The following DYNC2H1 variants were observed in gnomAD, a reference collection of about 807,000 sequenced individuals.
The protein encoded by DYNC2H1 is dynein cytoplasmic 2 heavy chain 1.
A neutral mutation model predicts 570.0 loss-of-function variants in DYNC2H1; 410 were observed. That is an observed-to-expected ratio of 0.72 (90% CI 0.66 to 0.78). The LOEUF (loss-of-function observed/expected upper bound fraction) is 0.78, where lower values mean the gene tolerates loss of function less well. Ranked by LOEUF, DYNC2H1 falls within the 30% of genes least tolerant of loss-of-function variation. DYNC2H1 has a pLI of 0.00. For missense variants in DYNC2H1, 4,865 were observed against 5,046.4 expected, an observed-to-expected ratio of 0.96 and a Z score of 1.09; for synonymous variants, 1,688 against 1,677.6, an observed-to-expected ratio of 1.01 and a Z score of -0.15.
In DYNC2H1 at chr11:103,253,341, C is replaced by T. The variant is rs200710887; in HGVS notation, c.10099C>T (p.Arg3367Cys). 1.7e-5 allele frequency: 28 copies of T among 1,612,910 alleles called. No homozygotes were observed. Among genetic ancestry groups the T allele is most frequent in the Admixed American group, 1.0e-4 (6 of 59,934 alleles). ...AATTATTGACTACAATGAAGAATTC[C>T]GCCTCTTTTTGTCAACAAGAAACCC... Reference protein sequence around the residue: ...DKIIDYNEEFRLFLSTRNPNP... With the variant: ...DKIIDYNEEFCLFLSTRNPNP... Residue 3367 changes from arginine to cysteine, a missense_variant, in exon 66 of 89, where the codon CGC becomes TGC. Physicochemically the swap from Arg to Cys is radical, Grantham distance 180. Coordinates refer to ENST00000375735, the MANE Select transcript of DYNC2H1 (RefSeq NM_001377.3).
At chr11:103,384,685 G>C (rs1019506598) in intron 83 of DYNC2H1, among the ~76,000 whole-genome samples, 1 of 152,034 alleles carries the variant, frequency 6.6e-6, no homozygotes, top group African/African-American at 2.4e-5. Context: ...AAGAAGCTTA[G>C]TATATTGTAC....
chr11:103,286,169 G>C (rs972801836), intron 73 of DYNC2H1, 86 bp from the exon 74 acceptor site: 11 of 1,508,474 alleles, frequency 7.3e-6, no homozygotes, highest in Non-Finnish European at 9.9e-6. Flanking sequence ...CCAATAATTG[G>C]TTCTCACTTT....
At chr11:103,265,112 C>T (rs1287295100) in intron 70 of DYNC2H1, among the ~76,000 whole-genome samples, 4 of 152,116 alleles carry the variant, frequency 2.6e-5, no homozygotes, top group Non-Finnish European at 5.9e-5. Context: ...AACACAGGAA[C>T]AGAAAACCAA....
intron 1 of DYNC2H1, 99 bp downstream of exon 1, chr11:103,109,868 A>G (rs1037598924): frequency 2.3e-6 from 3 of 1,294,696 alleles, no homozygotes; most frequent in Non-Finnish European, 3.1e-6. Flanking sequence ...TTTACCAACC[A>G]GATCCTTTTC....
rs1866504344 is a variant in DYNC2H1 at position 103,289,512 on chromosome 11, G to A, written c.11095+1907G>A. On this transcript the variant is annotated intron_variant, in intron 75 of 88. Coordinates refer to ENST00000375735, the MANE Select transcript of DYNC2H1 (RefSeq NM_001377.3). This position sits in a 1 kb window ranked among gnomAD's most constrained non-coding sequence, Gnocchi z 4.2. ...GGTGGTTTCAGTACCTGTAATCCCA[G>A]CACATTTGGAGGCTGACGGGGGAGG... Among the ~76,000 whole-genome samples the A allele has an allele frequency of 6.6e-6, 1 of 152,158 alleles. No individual in the cohort carries two copies. The highest frequency in any genetic ancestry group is 6.5e-5 in the Admixed American group (1 of 15,282).
intron 12 of DYNC2H1, among the ~76,000 whole-genome samples, chr11:103,128,577 T>G (rs1051417530): frequency 3.9e-5 from 6 of 152,242 alleles, no homozygotes; most frequent in South Asian, 2.1e-4. Context: ...TTTGGAGAAG[T>G]GCAGGAATTA....
chr11:103,343,205 T>C (rs1939560200), intron 82 of DYNC2H1, among the ~76,000 whole-genome samples: 1 of 152,152 alleles, frequency 6.6e-6, no homozygotes, highest in Admixed American at 6.5e-5. Context: ...GACAAAAGTT[T>C]CGTTGACCCT....
chr11:103,131,731 TA>T (rs964363178), intron 13 of DYNC2H1, among the ~76,000 whole-genome samples: 16 of 152,286 alleles, frequency 1.1e-4, no homozygotes, highest in South Asian at 4.1e-4. Context: ...ATTTTTTTTT[TA>T]GCACTTTAAA....
chr11:103,368,617 C>T (rs1285492861), intron 83 of DYNC2H1, among the ~76,000 whole-genome samples: 1 of 152,146 alleles, frequency 6.6e-6, no homozygotes, highest in Non-Finnish European at 1.5e-5. Context: ...TTGTCTCTTT[C>T]TGCTTTTGTT....
At position 103,118,357 on chromosome 11, in the gene DYNC2H1, TA is replaced by T. The variant is rs1191370778; in HGVS notation, c.999+505del. Among the ~76,000 whole-genome samples the T allele has an allele frequency of 4.6e-3, 662 of 144,832 alleles. 5 individuals are homozygous for T. Among genetic ancestry groups the T allele is most frequent in the African/African-American group, 0.015 (581 of 39,730 alleles). On this transcript the variant is annotated intron_variant, in intron 6 of 88. Coordinates refer to ENST00000375735, the MANE Select transcript of DYNC2H1 (RefSeq NM_001377.3). ...TATAGTTCTTTATTAGAGACTTTTT[TA>T]AAAAAAAAAACAAAACTTTTTTAAA...
intron 82 of DYNC2H1, among the ~76,000 whole-genome samples, chr11:103,347,427 AT>A (rs141843248): frequency 0.22 from 32,848 of 150,122 alleles, 3,673 homozygotes; most frequent in Admixed American, 0.31. Flanking sequence ...TAGTTATATC[AT>A]TTTTTTTTTC....
chr11:103,270,304 C>T (rs1265769858), intron 70 of DYNC2H1, among the ~76,000 whole-genome samples: 2 of 151,756 alleles, frequency 1.3e-5, no homozygotes, highest in Non-Finnish European at 2.9e-5. Flanking sequence ...TCCAAGACAC[C>T]CCGCATGGGT....
chr11:103,221,391 TA>T (rs1863581898), intron 57 of DYNC2H1, among the ~76,000 whole-genome samples: 1 of 152,188 alleles, frequency 6.6e-6, no homozygotes, highest in African/African-American at 2.4e-5. Context: ...CAGAGCACTT[TA>T]AGTTACCTTA....
chr11:103,476,502 G>T (rs932337260), intron 88 of DYNC2H1, among the ~76,000 whole-genome samples: 5 of 152,120 alleles, frequency 3.3e-5, no homozygotes, highest in African/African-American at 9.7e-5. Flanking sequence ...AGCATATAAA[G>T]TGCTGTTAAA....
At chr11:103,149,754 A>T (rs1860442014) in intron 20 of DYNC2H1, among the ~76,000 whole-genome samples, 1 of 151,902 alleles carries the variant, frequency 6.6e-6, no homozygotes, top group Non-Finnish European at 1.5e-5. Context: ...TTCTCATGGA[A>T]CATACACGTG....
At chr11:103,160,392 T>C (rs2134915842) in intron 28 of DYNC2H1, among the ~76,000 whole-genome samples, 1 of 152,218 alleles carries the variant, frequency 6.6e-6, no homozygotes, top group Middle Eastern at 3.4e-3. Flanking sequence ...ATCATACAAG[T>C]CTTTTTGTAG....
In DYNC2H1 at chr11:103,191,642, T is replaced by TGTG; in HGVS notation, c.7540+23_7540+24insGTG. On this transcript the variant is annotated intron_variant, in intron 46 of 88. Coordinates refer to ENST00000375735, the MANE Select transcript of DYNC2H1 (RefSeq NM_001377.3). ...GAGGTGAGTTTTGCTAGTGTGTATC[T>TGTG]TGTGTGTGTGTGTGTGTGTGCACAT... 4 of 1,368,392 alleles carry TGTG rather than the reference T, an allele frequency of 2.9e-6. No individual in the cohort carries two copies. The South Asian group carries it at 5.4e-5, about 18-fold the overall frequency. The allele number at this position is 1,368,392 out of a possible 1,614,324, so 84.8% of individuals were successfully genotyped here.
intron 70 of DYNC2H1, among the ~76,000 whole-genome samples, chr11:103,272,395 G>A (rs1167713886): frequency 3.9e-5 from 6 of 152,210 alleles, no homozygotes; most frequent in Middle Eastern, 3.4e-3. Context: ...GACACAAGAA[G>A]GGGAACATCA....
Position 103,190,357 on chromosome 11 carries a change from C to T in DYNC2H1, c.7437+541C>T, listed in dbSNP as rs1213759210. ...ACTTAGTTTATTTTCACTGAATGTT[C>T]GCAGTCTAATGAGGGGCTGAGTCAT... On this transcript the variant is annotated intron_variant, in intron 45 of 88. Transcript: ENST00000375735. 5.9e-5 allele frequency among the ~76,000 whole-genome samples: 9 copies of T among 152,264 alleles called. No individual in the cohort carries two copies. In the South Asian group the frequency reaches 1.0e-3, roughly 18 times the overall value.
Sources: gnomAD v4.1 joint callset for allele counts (sites outside exome capture counted in the v4.1 genomes callset) on GRCh38, gnomAD v4.1.1 for gene constraint, Gnocchi (gnomAD v3.1) non-coding constraint, MANE v1.5 for transcripts, NCBI Gene and HGNC (gene_info 2026-07-23, HGNC 2026-07-21) for gene names.